Variants in B3GAT1 observed in about 807,000 individuals in gnomAD.
B3GAT1 encodes galactosylgalactosylxylosylprotein 3-beta-glucuronosyltransferase 1.
A neutral mutation model predicts 28.4 loss-of-function variants in B3GAT1; 11 were observed. That is an observed-to-expected ratio of 0.39 (90% CI 0.24 to 0.64). B3GAT1 has a LOEUF of 0.64. Among genes scored for constraint, B3GAT1 ranks in the 30% least tolerant of loss-of-function variants. B3GAT1 has a pLI of 0.50. For missense variants in B3GAT1, 375 were observed against 491.0 expected (o/e 0.76, Z 2.23); for synonymous variants, 255 against 223.1 (o/e 1.14, Z -1.27).
At chr11:134,397,541 GCCAGAGGGCAGTGCCCCATTCCCAC>G (rs1251685497) in intron 1 of B3GAT1, among the ~76,000 whole-genome samples, 5,241 of 150,926 alleles carry the variant, frequency 0.035, 198 homozygotes, top group African/African-American at 0.086. Context: ...CACAGGGGGG[GCCAGAGGGCAGTGCCCCATTCCCAC>G]CCAGAGGGCA....
rs1565454657 is a variant in B3GAT1 at position 134,393,039 on chromosome 11, T to C, written c.-281-5099A>G. Among the ~76,000 whole-genome samples, 1 of 152,168 alleles carries C rather than the reference T, an allele frequency of 6.6e-6. No homozygotes were observed. Among genetic ancestry groups the C allele is most frequent in the African/African-American group, 2.4e-5 (1 of 41,432 alleles). On this transcript the variant is annotated intron_variant, in intron 1 of 5. Coordinates refer to ENST00000312527, the MANE Select transcript of B3GAT1 (RefSeq NM_054025.3). This position sits in a 1 kb window ranked among gnomAD's most constrained non-coding sequence, Gnocchi z 4.0. ...GAGCGGAAGAGACGACACAGCTCGC[T>C]CCAGTGCAGGTGACGTGTGAACGCA...
intron 1 of B3GAT1, among the ~76,000 whole-genome samples, chr11:134,405,436 A>G (rs1387489438): frequency 1.3e-5 from 2 of 152,330 alleles, no homozygotes; most frequent in South Asian, 2.1e-4. Context: ...CTGGCAGGCT[A>G]GCAATTCACG....
chr11:134,382,796 C>T lies in B3GAT1; in HGVS notation c.832G>A (p.Val278Met), dbSNP rs1240674480. The T allele has an allele frequency of 2.5e-6, 4 of 1,614,134 alleles. No homozygotes were observed. Among genetic ancestry groups the T allele is most frequent in the Non-Finnish European group, 2.5e-6 (3 of 1,180,050 alleles). The change falls in exon 4 of 6, where the codon GTG becomes ATG. Residue 278 changes from valine to methionine, a missense_variant. Transcript: ENST00000312527. ...RSQAYFKLRG[V>M]KGGYQESSLL... is the part of the protein sequence containing the mutation. ...CTGCTTTCCTGGTAGCCTCCCTTCACACCTCGCAGCTTGAAGTAGGCCTGG... is the reference window on the plus strand; with the variant it reads ...CTGCTTTCCTGGTAGCCTCCCTTCATACCTCGCAGCTTGAAGTAGGCCTGG...
chr11:134,384,193 G>T lies in B3GAT1; in HGVS notation c.113-5C>A. 4.6e-6 allele frequency: 7 copies of T among 1,529,812 alleles called. No homozygotes were observed. The highest frequency in any genetic ancestry group is 6.1e-6 in the Non-Finnish European group (7 of 1,139,240). The allele number at this position is 1,529,812 out of a possible 1,614,324, so 94.8% of individuals were successfully genotyped here. A position where few individuals can be genotyped will look rare whatever the true frequency, so the allele number is the denominator to read the frequency against. ...GTCGGGGGTCACTGCCCTCATCTGCGGAGTCGGGAGACCGGCGATGTGGGA... is the reference window on the plus strand; with the variant it reads ...GTCGGGGGTCACTGCCCTCATCTGCTGAGTCGGGAGACCGGCGATGTGGGA... On this transcript the variant is annotated splice_region_variant and splice_polypyrimidine_tract_variant and intron_variant, in intron 2 of 5. Transcript: ENST00000312527.
chr11:134,404,820 G>T (rs527594047), intron 1 of B3GAT1, among the ~76,000 whole-genome samples: 7 of 152,218 alleles, frequency 4.6e-5, no homozygotes, highest in Admixed American at 3.9e-4. Flanking sequence ...ATCGACAGGC[G>T]ATGAGTTAGG....
intron 1 of B3GAT1, among the ~76,000 whole-genome samples, chr11:134,395,403 G>A (rs902174116): frequency 2.0e-5 from 3 of 152,066 alleles, no homozygotes; most frequent in Admixed American, 6.5e-5. Flanking sequence ...AGGTCATGAT[G>A]GGTGATGGGA....
At chr11:134,401,564 G>T (rs1226600805) in intron 1 of B3GAT1, among the ~76,000 whole-genome samples, 1 of 151,932 alleles carries the variant, frequency 6.6e-6, no homozygotes, top group Admixed American at 6.6e-5. Context: ...AATAGACACT[G>T]TGGAGTCCTA....
intron 1 of B3GAT1, among the ~76,000 whole-genome samples, chr11:134,407,194 A>G (rs1341650360): frequency 6.6e-6 from 1 of 152,180 alleles, no homozygotes; most frequent in Admixed American, 6.5e-5. Flanking sequence ...TTTCTGAACA[A>G]TGGACAAATG....
In B3GAT1 at chr11:134,388,064, C is replaced by T. The variant is rs1944334138; in HGVS notation, c.-281-124G>A. 7.6e-6 allele frequency: 3 copies of T among 395,556 alleles called. 1 individual carries two copies. The highest frequency in any genetic ancestry group is 5.6e-5 in the South Asian group (3 of 53,264). The allele number at this position is 395,556 out of a possible 1,614,324, so 24.5% of individuals were successfully genotyped here. On this transcript the variant is annotated intron_variant, in intron 1 of 5. Coordinates refer to ENST00000312527, the MANE Select transcript of B3GAT1 (RefSeq NM_054025.3). Reference sequence around the variant, plus strand: ...CCACAATGGAGCCTCAACTGTCCATCACCTGAGGACCTCTTTTGTCTGCCT... The same window carrying T: ...CCACAATGGAGCCTCAACTGTCCATTACCTGAGGACCTCTTTTGTCTGCCT...
At chr11:134,386,707 C>G (rs1028501043) in intron 2 of B3GAT1, 1 of 152,222 alleles carries the variant, frequency 6.6e-6, no homozygotes. Context: ...ATTCCTCCCC[C>G]ACCATCCACT....
At chr11:134,395,746 C>T (rs544954958) in intron 1 of B3GAT1, among the ~76,000 whole-genome samples, 43 of 152,338 alleles carry the variant, frequency 2.8e-4, no homozygotes, top group African/African-American at 1.0e-3. Flanking sequence ...AATGTCCCCA[C>T]TCCCAAGACA....
intron 2 of B3GAT1, 197 bp from the exon 3 acceptor site, chr11:134,384,385 G>T: frequency 1.5e-6 from 1 of 662,576 alleles, no homozygotes; most frequent in Non-Finnish European, 2.4e-6. Flanking sequence ...GAGGGTCCTA[G>T]CTCTGATGAC....
At chr11:134,385,520 G>C (rs963173731) in intron 2 of B3GAT1, 1 of 151,954 alleles carries the variant, frequency 6.6e-6, no homozygotes, top group African/African-American at 2.4e-5. Flanking sequence ...GAGGAGTCTG[G>C]GGTCAAACTG....
At chr11:134,401,448 G>A (rs1944611565) in intron 1 of B3GAT1, among the ~76,000 whole-genome samples, 1 of 152,196 alleles carries the variant, frequency 6.6e-6, no homozygotes, top group South Asian at 2.1e-4. Flanking sequence ...GGTTGCAGCT[G>A]GAGGCCATTA....
intron 3 of B3GAT1, 146 bp from the exon 4 acceptor site, chr11:134,383,152 C>G: frequency 1.1e-6 from 1 of 886,894 alleles, no homozygotes; most frequent in Middle Eastern, 3.5e-4. Flanking sequence ...TACAGCCCTG[C>G]CCCCAGGACC....
intron 1 of B3GAT1, among the ~76,000 whole-genome samples, chr11:134,409,199 C>T (rs996206705): frequency 6.6e-6 from 1 of 152,196 alleles, no homozygotes; most frequent in African/African-American, 2.4e-5. Context: ...CGGCTAGCCA[C>T]AGATGGAGAT....
chr11:134,406,547 G>A (rs1944737147), intron 1 of B3GAT1, among the ~76,000 whole-genome samples: 1 of 140,050 alleles, frequency 7.1e-6, no homozygotes, highest in Admixed American at 7.0e-5. Flanking sequence ...TGGGTGGGTG[G>A]GGGGGCGGCC....
At chr11:134,403,547 C>T (rs1158932177) in intron 1 of B3GAT1, among the ~76,000 whole-genome samples, 1 of 152,142 alleles carries the variant, frequency 6.6e-6, no homozygotes, top group Non-Finnish European at 1.5e-5. Context: ...GCTCCCATGA[C>T]ACTGTGACAT....
At chr11:134,398,559 T>C (rs11820880) in intron 1 of B3GAT1, among the ~76,000 whole-genome samples, 20,356 of 152,256 alleles carry the variant, frequency 0.13, 1,485 homozygotes, top group Non-Finnish European at 0.15. Context: ...GTTCATGTTT[T>C]ACAGATGAAG....
Sources: allele counts gnomAD v4.1 joint callset (sites outside exome capture counted in the v4.1 genomes callset), GRCh38; gene constraint gnomAD v4.1.1; non-coding constraint Gnocchi (gnomAD v3.1); transcripts MANE v1.5; gene names NCBI Gene and HGNC (gene_info 2026-07-23, HGNC 2026-07-21).